The following NTM variants were observed in gnomAD, a reference collection of about 807,000 sequenced individuals.
NTM encodes the protein IgLON family member 2.
A neutral mutation model predicts 42.1 loss-of-function variants in NTM; 13 were observed. The observed-to-expected ratio is 0.31, with a 90% CI of 0.20 to 0.49. The LOEUF (loss-of-function observed/expected upper bound fraction) is 0.49. NTM is among the 20% of genes least tolerant of loss of function. The probability of loss-of-function intolerance (pLI) is 0.99; values close to 1 mark genes in which losing one functional copy is unlikely to be tolerated. For synonymous variants in NTM, 187 were observed against 179.2 expected (o/e 1.04, Z -0.35); for missense variants, 373 against 452.8 (o/e 0.82, Z 1.60).
intron 1 of NTM, chr11:131,534,610 CG>C (rs1168844313): frequency 6.6e-6 from 1 of 152,166 alleles, no homozygotes; most frequent in Non-Finnish European, 1.5e-5. Flanking sequence ...GAAAATCTTG[CG>C]CTTGTTCCTT....
At chr11:131,391,644 G>GAAAAAAAAA (rs5795723) in intron 1 of NTM, among the ~76,000 whole-genome samples, 114 of 81,488 alleles carry the variant, frequency 1.4e-3, no homozygotes, top group Non-Finnish European at 1.9e-3. Context: ...TTTTATCTGG[G>GAAAAAAAAA]AAAAAAAAAA....
chr11:131,984,908 A>G (rs2065828011), intron 2 of NTM, among the ~76,000 whole-genome samples: 1 of 152,244 alleles, frequency 6.6e-6, no homozygotes. Flanking sequence ...GGAAGGTAAA[A>G]ACCTTGATTT....
At chr11:131,439,028 T>C (rs1246207219) in intron 1 of NTM, among the ~76,000 whole-genome samples, 1 of 152,212 alleles carries the variant, frequency 6.6e-6, no homozygotes, top group African/African-American at 2.4e-5. Context: ...TAGTTTTCCT[T>C]CTAACAGTGA....
intron 1 of NTM, among the ~76,000 whole-genome samples, chr11:131,898,228 C>T (rs1051350687): frequency 6.6e-6 from 1 of 152,168 alleles, no homozygotes; most frequent in African/African-American, 2.4e-5. Flanking sequence ...TGGGAAAGCA[C>T]GCCAGTTCTC....
intron 3 of NTM, among the ~76,000 whole-genome samples, chr11:132,164,942 T>C (rs1450911933): frequency 6.6e-6 from 1 of 152,134 alleles, no homozygotes; most frequent in Non-Finnish European, 1.5e-5. Context: ...TTCCTGAGTT[T>C]CCCCTTGCCT....
intron 2 of NTM, among the ~76,000 whole-genome samples, chr11:132,107,193 C>T (rs1294378077): frequency 6.6e-6 from 1 of 152,096 alleles, no homozygotes; most frequent in East Asian, 1.9e-4. Flanking sequence ...CAGCTACTCC[C>T]TACATAGAGT....
intron 1 of NTM, among the ~76,000 whole-genome samples, chr11:131,888,108 C>T (rs1469430984): frequency 1.3e-5 from 2 of 152,066 alleles, no homozygotes; most frequent in East Asian, 3.9e-4. Context: ...CGAGACCAGC[C>T]TGATTAATAT....
intron 2 of NTM, among the ~76,000 whole-genome samples, chr11:132,088,161 A>G (rs145810130): frequency 0.014 from 2,062 of 152,328 alleles, 26 homozygotes; most frequent in Non-Finnish European, 0.021. Context: ...AAATGCTGTT[A>G]CAGTACCAAT....
At chr11:131,492,595 T>C (rs1954917895) in intron 1 of NTM, among the ~76,000 whole-genome samples, 1 of 152,154 alleles carries the variant, frequency 6.6e-6, no homozygotes, top group South Asian at 2.1e-4. Flanking sequence ...ACCTGCTAAA[T>C]CCCACACAGG....
intron 1 of NTM, among the ~76,000 whole-genome samples, chr11:131,416,854 G>GA (rs1265038777): frequency 6.6e-6 from 1 of 152,066 alleles, no homozygotes; most frequent in Non-Finnish European, 1.5e-5. Flanking sequence ...AGTGCAAGTG[G>GA]AAAAAAAGAT....
chr11:132,226,354 C>A (rs1385975874), intron 4 of NTM, among the ~76,000 whole-genome samples: 1 of 152,212 alleles, frequency 6.6e-6, no homozygotes, highest in Non-Finnish European at 1.5e-5. Flanking sequence ...TATTTCTCCA[C>A]ATCCTCTCTA....
At position 132,257,137 on chromosome 11, in the gene NTM, A is replaced by G. The variant is rs560749142; in HGVS notation, c.526+44990A>G. ...ATGCACATCAGTTTTGACTTATTGC[A>G]TGAAGCACGCTTACAAGAGAGAAAG... On this transcript the variant is annotated intron_variant, in intron 4 of 8. Transcript: ENST00000683400. 5.7e-4 allele frequency among the ~76,000 whole-genome samples: 87 copies of G among 152,348 alleles called. 1 individual carries two copies. The highest frequency in any genetic ancestry group is 1.9e-3 in the African/African-American group (79 of 41,588).
chr11:131,703,667 C>T (rs1459669208), intron 1 of NTM, among the ~76,000 whole-genome samples: 2 of 152,204 alleles, frequency 1.3e-5, no homozygotes, highest in East Asian at 1.9e-4. Context: ...GGCCACAGCA[C>T]CTTGGTGGAG....
intron 1 of NTM, among the ~76,000 whole-genome samples, chr11:131,700,686 A>G (rs2075984104): frequency 6.6e-6 from 1 of 152,210 alleles, no homozygotes; most frequent in African/African-American, 2.4e-5. Flanking sequence ...CCTCATCCTC[A>G]GTGTGTGCAG....
At chr11:132,283,494 A>G (rs2094089468) in intron 4 of NTM, among the ~76,000 whole-genome samples, 1 of 152,222 alleles carries the variant, frequency 6.6e-6, no homozygotes, top group Non-Finnish European at 1.5e-5. Context: ...AAGTAAGACA[A>G]TTAGGACAGC....
At chr11:132,268,711 C>T (rs893764053) in intron 4 of NTM, among the ~76,000 whole-genome samples, 4 of 146,518 alleles carry the variant, frequency 2.7e-5, no homozygotes, top group East Asian at 2.1e-4. Flanking sequence ...TTAGATAGTG[C>T]GTTAAATTTA....
intron 4 of NTM, among the ~76,000 whole-genome samples, chr11:132,216,167 T>C (rs769701307): frequency 1.3e-5 from 2 of 152,250 alleles, no homozygotes; most frequent in Non-Finnish European, 2.9e-5. Flanking sequence ...TTCTCCTGAG[T>C]CTTCACTATG....
chr11:131,555,714 C>T (rs1188789056), intron 1 of NTM, among the ~76,000 whole-genome samples: 1 of 152,182 alleles, frequency 6.6e-6, no homozygotes, highest in Non-Finnish European at 1.5e-5. Context: ...CTTGCTCAGG[C>T]AGGAATGGCC....
chr11:131,817,964 T>A (rs2093019521), intron 1 of NTM, among the ~76,000 whole-genome samples: 1 of 152,250 alleles, frequency 6.6e-6, no homozygotes, highest in Admixed American at 6.5e-5. Flanking sequence ...TCCCATTGAC[T>A]GTGCTTTATT....
Sources: gnomAD v4.1 joint callset for allele counts (sites outside exome capture counted in the v4.1 genomes callset) on GRCh38, gnomAD v4.1.1 for gene constraint, MANE v1.5 for transcripts, NCBI Gene and HGNC (gene_info 2026-07-23, HGNC 2026-07-21) for gene names.